CSTF1: variants seen among roughly 807,000 people sequenced by gnomAD.
CSTF1 encodes cleavage stimulation factor subunit 1, also known as CF-1 50 kDa subunit.
In CSTF1, 2 loss-of-function variants were observed where a neutral mutation model predicts 40.9. That is an observed-to-expected ratio of 0.05 (90% CI 0.02 to 0.15). The LOEUF is 0.15. Ranked by LOEUF, CSTF1 falls within the 10% of genes least tolerant of loss-of-function variation. CSTF1 has a pLI of 1.00. For synonymous variants in CSTF1, 218 were observed against 207.2 expected, an observed-to-expected ratio of 1.05 and a Z score of -0.45; for missense variants, 279 against 558.9, an observed-to-expected ratio of 0.50 and a Z score of 5.05.
rs760936179 is a variant in CSTF1, at chr20:56,397,249, G to A, written c.212G>A (p.Arg71His). ...DDTAVQYAIG[R>H]SDTVAPGTGI... ...ACCGCAGTTCAGTATGCAATTGGTC[G>A]TTCAGATACTGTTGCCCCTGGCACA... The change falls in exon 3 of 6, where the codon CGT becomes CAT. Residue 71 changes from arginine to histidine, a missense_variant. Around this residue, in one of 4 missense-constraint regions of CSTF1, gnomAD observed 66 missense variants for 148.0 expected, o/e 0.45. Coordinates refer to ENST00000217109, the MANE Select transcript of CSTF1 (RefSeq NM_001324.3). The surrounding 1 kb of genome is among the most constrained non-coding windows in gnomAD (Gnocchi z 4.4). 5.0e-6 allele frequency: 8 copies of A among 1,614,026 alleles called. No homozygotes were observed. The highest frequency in any genetic ancestry group is 2.2e-5 in the East Asian group (1 of 44,898).
chr20:56,393,133 C>T (rs6069720), intron 1 of CSTF1, among the ~76,000 whole-genome samples: 125 of 43,538 alleles, frequency 2.9e-3, no homozygotes, highest in East Asian at 9.0e-3. Context: ...TATATATATA[C>T]ACACACACAC....
Position 56,405,395 on chromosome 20 carries a change from G to A in CSTF1, c.*1668G>A, listed in dbSNP as rs11905108. 0.19 allele frequency: 29,517 copies of A among 151,612 alleles called. 4,134 individuals are homozygous for A. Among genetic ancestry groups the A allele is most frequent in the African/African-American group, 0.4 (16,380 of 41,196 alleles). 9.4% of individuals were successfully genotyped at this position (151,612 alleles called of 1,614,324 possible). On this transcript the variant is annotated 3_prime_UTR_variant, in exon 6 of 6. Transcript: ENST00000217109. ...CTAATTTTGTATTTTTTTTAGTAGA[G>A]ACGGGGTTTCTCCATGTTGGTCAGG...
chr20:56,403,694 G>A lies in CSTF1; in HGVS notation c.1263G>A (p.Ala421=), dbSNP rs141186668. 3.3e-4 allele frequency: 528 copies of A among 1,613,652 alleles called. No homozygotes were observed. Among genetic ancestry groups the A allele is most frequent in the Non-Finnish European group, 4.1e-4 (486 of 1,179,662 alleles). Residue 421 remains alanine, a synonymous_variant, in exon 6 of 6, where the codon GCG becomes GCA. Coordinates refer to ENST00000217109, the MANE Select transcript of CSTF1 (RefSeq NM_001324.3). The part of the protein sequence containing the change: ...GFMTCSDDFR[A]RFWYRRSTTD ...TGACGTGCAGCGATGACTTCAGAGCGCGGTTTTGGTACCGGAGATCGACCA... is the reference window on the plus strand; with the variant it reads ...TGACGTGCAGCGATGACTTCAGAGCACGGTTTTGGTACCGGAGATCGACCA...
chr20:56,397,117 C>A lies in CSTF1; in HGVS notation c.170-90C>A. 1 of 1,364,814 alleles carries A rather than the reference C, an allele frequency of 7.3e-7. No individual in the cohort carries two copies. 84.5% of individuals were successfully genotyped at this position (1,364,814 alleles called of 1,614,324 possible). ...GAAATAGGAGGTTGACACTGGTGAG[C>A]ATCTTTCCAGTTTGGATCTAGAATT... On this transcript the variant is annotated intron_variant, in intron 2 of 5. Coordinates refer to ENST00000217109, the MANE Select transcript of CSTF1 (RefSeq NM_001324.3). This position sits in a 1 kb window ranked among gnomAD's most constrained non-coding sequence, Gnocchi z 4.4.
At chr20:56,393,161 C>T (rs6069723) in intron 1 of CSTF1, among the ~76,000 whole-genome samples, 1 of 20,880 alleles carries the variant, frequency 4.8e-5, no homozygotes, top group Non-Finnish European at 1.2e-4. Context: ...CATATATATA[C>T]ACACACATAT....
intron 4 of CSTF1, 118 bp from the exon 5 acceptor site, chr20:56,398,849 G>T: frequency 1.0e-6 from 1 of 963,798 alleles, no homozygotes; most frequent in Non-Finnish European, 1.5e-6. Flanking sequence ...TATGATACCT[G>T]TGTAATATCT....
In CSTF1 at chr20:56,402,128, G is replaced by A. The variant is rs570263113; in HGVS notation, c.1037-1340G>A. On this transcript the variant is annotated intron_variant, in intron 5 of 5. Coordinates refer to ENST00000217109, the MANE Select transcript of CSTF1 (RefSeq NM_001324.3). ...TTGAGACCAGCCTGGCCAACATGGT[G>A]AAACCCCATCTCTACTAAAAATACA... Among the ~76,000 whole-genome samples the A allele has an allele frequency of 3.3e-5, 5 of 152,236 alleles. No individual in the cohort carries two copies. The South Asian group carries it at 1.0e-3, about 32-fold the overall frequency.
intron 5 of CSTF1, among the ~76,000 whole-genome samples, chr20:56,402,140 C>G (rs1237503629): frequency 6.6e-6 from 1 of 152,062 alleles, no homozygotes; most frequent in African/African-American, 2.4e-5. Flanking sequence ...AACCCCATCT[C>G]TACTAAAAAT....
Position 56,397,085 on chromosome 20 carries a change from G to C in CSTF1, c.170-122G>C. On this transcript the variant is annotated intron_variant, in intron 2 of 5. Coordinates refer to ENST00000217109, the MANE Select transcript of CSTF1 (RefSeq NM_001324.3). This position sits in a 1 kb window ranked among gnomAD's most constrained non-coding sequence, Gnocchi z 4.4. ...TTTGTAAAGTGTTAGGTGTCACGCG[G>C]CTCCAAGAAATAGGAGGTTGACACT... is the stretch of plus-strand genomic sequence containing the variant. 9.5e-7 allele frequency: 1 copy of C among 1,057,712 alleles called. No individual in the cohort carries two copies. The highest frequency in any genetic ancestry group is 1.6e-5 in the South Asian group (1 of 63,658). 65.5% of individuals were successfully genotyped at this position (1,057,712 alleles called of 1,614,324 possible).
chr20:56,403,491 G>C lies in CSTF1; in HGVS notation c.1060G>C (p.Val354Leu), dbSNP rs758457508. Reference protein sequence around the residue: ...YTGAGLSGRQVHRTQAVFNHT... With the variant: ...YTGAGLSGRQLHRTQAVFNHT... ...AGGCGCGGGTTTAAGTGGACGCCAG[G>C]TGCACCGGACACAGGCTGTGTTTAA... The change falls in exon 6 of 6, where the codon GTG becomes CTG. Residue 354 changes from valine (V) to leucine (L), a missense_variant. This residue lies in a region of CSTF1 where 162 missense variants were observed against 337.1 expected (regional missense o/e 0.48). Coordinates refer to ENST00000217109, the MANE Select transcript of CSTF1 (RefSeq NM_001324.3). 6.2e-7 allele frequency: 1 copy of C among 1,614,068 alleles called. No individual in the cohort carries two copies. Among genetic ancestry groups the C allele is most frequent in the Non-Finnish European group, 8.5e-7 (1 of 1,179,998 alleles).
At chr20:56,398,923 T>G (rs756703490) in intron 4 of CSTF1, 44 bp from the exon 5 acceptor site, 1 of 1,504,682 alleles carries the variant, frequency 6.6e-7, no homozygotes, top group Non-Finnish European at 8.9e-7. Context: ...TGGATTTAAT[T>G]GTTCACCAGT....
rs2146246154 is a variant in CSTF1 at position 56,399,469 on chromosome 20, G to T, written c.1036+112G>T. The T allele has an allele frequency of 1.0e-6, 1 of 970,568 alleles. No homozygotes were observed. Among genetic ancestry groups the T allele is most frequent in the East Asian group, 2.4e-5 (1 of 41,044 alleles). The allele number at this position is 970,568 out of a possible 1,614,324, so 60.1% of individuals were successfully genotyped here. A position where few individuals can be genotyped will look rare whatever the true frequency, so the allele number is the denominator to read the frequency against. ...CAATATCTATGCATTGAGCAAGGCA[G>T]ATGTTACCCTTTCTTAGATAAGAGG... is the stretch of plus-strand genomic sequence containing the variant. On this transcript the variant is annotated intron_variant, in intron 5 of 5. Transcript: ENST00000217109. This position sits in a 1 kb window ranked among gnomAD's most constrained non-coding sequence, Gnocchi z 4.6.
intron 1 of CSTF1, 127 bp from the exon 2 acceptor site, chr20:56,395,394 A>G (rs2146242216): frequency 1.7e-6 from 1 of 583,320 alleles, no homozygotes; most frequent in East Asian, 3.0e-5. Flanking sequence ...GTCACTGACC[A>G]AAGATAATGC....
At chr20:56,398,248 G>A (rs922089752) in intron 4 of CSTF1, among the ~76,000 whole-genome samples, 1 of 152,210 alleles carries the variant, frequency 6.6e-6, no homozygotes, top group African/African-American at 2.4e-5. Context: ...AAATACTAAT[G>A]TTTTAGTTGT....
intron 5 of CSTF1, among the ~76,000 whole-genome samples, chr20:56,402,321 A>AG (rs1555859402): frequency 1.2e-3 from 173 of 145,190 alleles, no homozygotes; most frequent in Middle Eastern, 7.3e-3. Flanking sequence ...AAAAAAAAAA[A>AG]AGAGAGAATT....
At chr20:56,396,681 C>CT (rs1334745131) in intron 2 of CSTF1, among the ~76,000 whole-genome samples, 1 of 152,126 alleles carries the variant, frequency 6.6e-6, no homozygotes, top group Non-Finnish European at 1.5e-5. Context: ...AATTTTTCCT[C>CT]TACTAATCAA....
chr20:56,393,188 G>GTA (rs139388586), intron 1 of CSTF1, among the ~76,000 whole-genome samples: 47,058 of 150,678 alleles, frequency 0.31, 9,394 homozygotes, highest in Non-Finnish European at 0.44. Flanking sequence ...GTGTGTGTGT[G>GTA]TATGTACACC....
At chr20:56,394,272 G>T (rs1362478085) in intron 1 of CSTF1, among the ~76,000 whole-genome samples, 2 of 152,226 alleles carry the variant, frequency 1.3e-5, no homozygotes, top group African/African-American at 2.4e-5. Flanking sequence ...AACACCATCA[G>T]TGTCATACAG....
At chr20:56,394,279 A>T (rs1226530259) in intron 1 of CSTF1, among the ~76,000 whole-genome samples, 2 of 152,238 alleles carry the variant, frequency 1.3e-5, no homozygotes, top group Non-Finnish European at 2.9e-5. Context: ...TCAGTGTCAT[A>T]CAGTGTGTAA....
Sources: gnomAD v4.1 joint callset for allele counts (sites outside exome capture counted in the v4.1 genomes callset) on GRCh38, gnomAD v4.1.1 for gene constraint, gnomAD v4.1.1 regional missense constraint, Gnocchi (gnomAD v3.1) non-coding constraint, MANE v1.5 for transcripts, NCBI Gene and HGNC (gene_info 2026-07-23, HGNC 2026-07-21) for gene names.